The following FNDC3B variants were observed in gnomAD, a reference collection of about 807,000 sequenced individuals.
FNDC3B encodes the protein fibronectin type III domain-containing protein 3B.
In FNDC3B, 12 loss-of-function variants were observed where a neutral mutation model predicts 151.5. That is an observed-to-expected ratio of 0.08 (90% confidence interval 0.05 to 0.13). FNDC3B has a LOEUF of 0.13. FNDC3B is among the 10% of genes least tolerant of loss of function. FNDC3B has a pLI of 1.00. For synonymous variants in FNDC3B, 528 were observed against 549.0 expected (o/e 0.96, Z 0.54); for missense variants, 1,214 against 1,505.3 (o/e 0.81, Z 3.20).
intron 16 of FNDC3B, chr3:172,338,176 T>C (rs1342119658): frequency 6.6e-6 from 1 of 152,100 alleles, no homozygotes. Context: ...TAGCTGGGTG[T>C]GGTGGCAGGC....
intron 1 of FNDC3B, among the ~76,000 whole-genome samples, chr3:172,098,080 TTA>T (rs1719179930): frequency 6.6e-6 from 1 of 152,196 alleles, no homozygotes; most frequent in Admixed American, 6.5e-5. Context: ...CCCAATATTA[TTA>T]ACTTATTTAA....
intron 1 of FNDC3B, among the ~76,000 whole-genome samples, chr3:172,059,590 A>G (rs1447607804): frequency 2.0e-5 from 3 of 152,026 alleles, no homozygotes; most frequent in East Asian, 3.8e-4. Flanking sequence ...AGATTGTCTG[A>G]CCTATTTATT....
At chr3:172,337,634 T>C (rs2108299383) in intron 16 of FNDC3B, 1 of 474,520 alleles carries the variant, frequency 2.1e-6, no homozygotes, top group East Asian at 3.7e-5. Context: ...TCTGTATCTT[T>C]TTCATTGGTG....
intron 19 of FNDC3B, among the ~76,000 whole-genome samples, chr3:172,344,789 A>G (rs1202900650): frequency 6.6e-6 from 1 of 152,174 alleles, no homozygotes; most frequent in Non-Finnish European, 1.5e-5. Flanking sequence ...AAAAATTGAG[A>G]ATATATATGT....
intron 7 of FNDC3B, among the ~76,000 whole-genome samples, chr3:172,292,471 C>T (rs1342234398): frequency 6.6e-6 from 1 of 152,104 alleles, no homozygotes; most frequent in Non-Finnish European, 1.5e-5. Context: ...ATAATTTAAC[C>T]AAGTCCTAAG....
At chr3:172,188,778 A>G (rs1269576034) in intron 3 of FNDC3B, among the ~76,000 whole-genome samples, 1 of 152,162 alleles carries the variant, frequency 6.6e-6, no homozygotes, top group Non-Finnish European at 1.5e-5. Flanking sequence ...TGCACATTTC[A>G]TCTTCCCGCC....
intron 3 of FNDC3B, among the ~76,000 whole-genome samples, chr3:172,195,267 A>G (rs1724765006): frequency 1.3e-5 from 2 of 151,896 alleles, no homozygotes; most frequent in South Asian, 2.1e-4. Flanking sequence ...TTTGCAATGT[A>G]TAGAAGAGTA....
intron 3 of FNDC3B, among the ~76,000 whole-genome samples, chr3:172,215,470 T>C (rs986056626): frequency 1.4e-4 from 21 of 152,220 alleles, no homozygotes; most frequent in African/African-American, 5.1e-4. Context: ...ACGCCTGTTA[T>C]CCCAGCACTT....
chr3:172,050,446 C>A (rs190696768), intron 1 of FNDC3B, among the ~76,000 whole-genome samples: 2 of 151,626 alleles, frequency 1.3e-5, no homozygotes, highest in Admixed American at 6.6e-5. Context: ...TGCAGTGGCA[C>A]GATCTTGGCT....
intron 3 of FNDC3B, among the ~76,000 whole-genome samples, chr3:172,160,884 G>C (rs758708811): frequency 2.6e-5 from 4 of 151,762 alleles, no homozygotes; most frequent in African/African-American, 7.3e-5. Flanking sequence ...TTTTTGTCCC[G>C]AATTTGCCGT....
intron 16 of FNDC3B, among the ~76,000 whole-genome samples, chr3:172,339,116 T>C (rs1053726925): frequency 2.0e-5 from 3 of 152,134 alleles, no homozygotes; most frequent in African/African-American, 7.2e-5. Flanking sequence ...AAGCAAGCAG[T>C]GCTGATGTGT....
chr3:172,109,226 T>C (rs557863323), intron 1 of FNDC3B, among the ~76,000 whole-genome samples: 7 of 146,124 alleles, frequency 4.8e-5, no homozygotes, highest in Middle Eastern at 3.8e-3. Flanking sequence ...AGTGCAGTGG[T>C]GGGATCTCGG....
chr3:172,346,478 C>A, intron 20 of FNDC3B, 38 bp downstream of exon 20: 2 of 1,229,762 alleles, frequency 1.6e-6, no homozygotes, highest in South Asian at 1.3e-5. Context: ...TCTGTTTCTT[C>A]TACTTTACTC....
chr3:172,050,827 A>G (rs540037969), intron 1 of FNDC3B, among the ~76,000 whole-genome samples: 23 of 151,826 alleles, frequency 1.5e-4, no homozygotes, highest in South Asian at 1.5e-3. Context: ...ATTCCACTCA[A>G]TGAGCTTTTC....
chr3:172,222,900 G>C (rs1726360499), intron 3 of FNDC3B, among the ~76,000 whole-genome samples: 1 of 152,216 alleles, frequency 6.6e-6, no homozygotes, highest in South Asian at 2.1e-4. Flanking sequence ...AGGCTCAGGA[G>C]CTCTCCAAGA....
intron 11 of FNDC3B, among the ~76,000 whole-genome samples, chr3:172,320,896 T>C (rs139875738): frequency 6.6e-6 from 1 of 152,310 alleles, no homozygotes; most frequent in East Asian, 1.9e-4. Context: ...AGAAGAAAAA[T>C]TAACTTGAAA....
At chr3:172,295,578 A>G (rs1730562689) in intron 8 of FNDC3B, 64 bp downstream of exon 8, 3 of 1,527,332 alleles carry the variant, frequency 2.0e-6, no homozygotes, top group Non-Finnish European at 8.9e-7. Context: ...GTGAAGGAAA[A>G]TGGAAAACAA....
At chr3:172,386,821 T>C (rs756113704) in intron 25 of FNDC3B, among the ~76,000 whole-genome samples, 4 of 151,622 alleles carry the variant, frequency 2.6e-5, no homozygotes, top group African/African-American at 4.9e-5. Context: ...TTTAATTTCA[T>C]GGTATTTCTG....
intron 19 of FNDC3B, among the ~76,000 whole-genome samples, chr3:172,344,885 A>G (rs899909809): frequency 6.6e-6 from 1 of 152,196 alleles, no homozygotes; most frequent in African/African-American, 2.4e-5. Flanking sequence ...AATAATGAGC[A>G]GTGGGAGTCC....
Sources: gnomAD v4.1 joint callset for allele counts (sites outside exome capture counted in the v4.1 genomes callset) on GRCh38, gnomAD v4.1.1 for gene constraint, MANE v1.5 for transcripts, NCBI Gene and HGNC (gene_info 2026-07-23, HGNC 2026-07-21) for gene names.